Variants in PDE10A observed in about 807,000 individuals in gnomAD.
PDE10A encodes the protein phosphodiesterase 10A.
A neutral mutation model predicts 97.7 loss-of-function variants in PDE10A; 39 were observed. The ratio of observed to expected loss-of-function variants is 0.40; its 90% CI spans 0.31 to 0.52. The LOEUF (loss-of-function observed/expected upper bound fraction) is 0.52. Among genes scored for constraint, PDE10A ranks in the 20% least tolerant of loss-of-function variants. The probability of loss-of-function intolerance (pLI) is 0.56; values close to 1 mark genes in which losing one functional copy is unlikely to be tolerated. For missense variants in PDE10A, 731 were observed against 1,047.8 expected, an observed-to-expected ratio of 0.70 and a Z score of 4.17; for synonymous variants, 371 against 376.8, an observed-to-expected ratio of 0.98 and a Z score of 0.18.
At chr6:165,738,677 G>A (rs942829756) in intron 1 of PDE10A, among the ~76,000 whole-genome samples, 2 of 151,752 alleles carry the variant, frequency 1.3e-5, no homozygotes, top group African/African-American at 4.8e-5. Context: ...AGCACCTGTT[G>A]TTTCCTGACT....
At chr6:165,589,280 C>T (rs3008062) in intron 1 of PDE10A, among the ~76,000 whole-genome samples, 123,298 of 152,142 alleles carry the variant, frequency 0.81, 52,391 homozygotes, top group Non-Finnish European at 0.95. Context: ...TAAGGTCCCA[C>T]GCAGCCTGCT....
intron 19 of PDE10A, among the ~76,000 whole-genome samples, chr6:165,341,339 T>C (rs534485553): frequency 6.6e-6 from 1 of 152,206 alleles, no homozygotes; most frequent in Non-Finnish European, 1.5e-5. Flanking sequence ...GGCATTAAAT[T>C]CTCCAGCTTT....
At chr6:165,963,441 A>T (rs1355708684) in intron 1 of PDE10A, among the ~76,000 whole-genome samples, 1 of 152,220 alleles carries the variant, frequency 6.6e-6, no homozygotes, top group East Asian at 1.9e-4. Context: ...TGAAGGAAGT[A>T]GTTCCGGAGG....
At chr6:165,419,151 G>A (rs903426120) in intron 10 of PDE10A, among the ~76,000 whole-genome samples, 3 of 152,144 alleles carry the variant, frequency 2.0e-5, no homozygotes, top group African/African-American at 7.2e-5. Flanking sequence ...GAACCTCTCA[G>A]GCCTTCCCTG....
At chr6:165,498,172 G>A (rs1780648679) in intron 2 of PDE10A, among the ~76,000 whole-genome samples, 2 of 151,768 alleles carry the variant, frequency 1.3e-5, no homozygotes, top group South Asian at 4.2e-4. Context: ...AGCACTTTGG[G>A]AGCTAGGGTG....
At chr6:165,448,833 A>C in intron 5 of PDE10A, 95 bp downstream of exon 5, 1 of 762,148 alleles carries the variant, frequency 1.3e-6, no homozygotes, top group Non-Finnish European at 2.2e-6. Context: ...AATGAAAAGT[A>C]CTTAATCATG....
At chr6:165,421,295 TAGTC>T (rs1224272382) in intron 10 of PDE10A, among the ~76,000 whole-genome samples, 1 of 151,792 alleles carries the variant, frequency 6.6e-6, no homozygotes, top group Non-Finnish European at 1.5e-5. Context: ...ATATAAAAAT[TAGTC>T]AGGCATGGCA....
In PDE10A at chr6:165,388,654, T is replaced by C. The variant is rs1422793053; in HGVS notation, c.2455-201A>G. 1.3e-5 allele frequency among the ~76,000 whole-genome samples: 2 copies of C among 152,188 alleles called. No individual in the cohort carries two copies. The highest frequency in any genetic ancestry group is 2.9e-5 in the Non-Finnish European group (2 of 68,030). ...GATAATCTAACTCATTTGTAGGCCCTTTCTTTGTTTCTCTGCTTAGGAATC... is the reference window on the plus strand; with the variant it reads ...GATAATCTAACTCATTTGTAGGCCCCTTCTTTGTTTCTCTGCTTAGGAATC... On this transcript the variant is annotated intron_variant, in intron 16 of 21. Transcript: ENST00000539869. This position sits in a 1 kb window ranked among gnomAD's most constrained non-coding sequence, Gnocchi z 4.0.
At chr6:165,590,411 T>TAG (rs928459380) in intron 1 of PDE10A, among the ~76,000 whole-genome samples, 9 of 152,088 alleles carry the variant, frequency 5.9e-5, no homozygotes, top group African/African-American at 1.9e-4. Context: ...GTCACAAGAG[T>TAG]AGAAATACAT....
chr6:165,973,572 G>GA (rs60693155), intron 1 of PDE10A, among the ~76,000 whole-genome samples: 1 of 148,826 alleles, frequency 6.7e-6, no homozygotes, highest in Non-Finnish European at 1.5e-5. Flanking sequence ...TCTTTTTTAT[G>GA]AAAAAAAAAA....
chr6:165,348,085 C>A (rs957189012), intron 18 of PDE10A, among the ~76,000 whole-genome samples: 1 of 151,990 alleles, frequency 6.6e-6, no homozygotes, highest in Non-Finnish European at 1.5e-5. Context: ...GGAAGTGGAG[C>A]AAAGGGATTG....
chr6:165,727,538 C>T lies in PDE10A; in HGVS notation c.-614-183970G>A, dbSNP rs1792330415. Among the ~76,000 whole-genome samples, 3 of 152,196 alleles carry T rather than the reference C, an allele frequency of 2.0e-5. No homozygotes were observed. The South Asian group carries it at 6.2e-4, about 32-fold the overall frequency. ...TAAAAGAAAATCTACCCCCAAATGA[C>T]ATAGAGCCCAGGAGAGGCCTCAGGG... On this transcript the variant is annotated intron_variant, in intron 1 of 19. Coordinates refer to the PDE10A transcript ENST00000366882.
At chr6:165,515,587 A>AATCT (rs1473691679) in intron 2 of PDE10A, among the ~76,000 whole-genome samples, 1 of 148,442 alleles carries the variant, frequency 6.7e-6, no homozygotes, top group East Asian at 2.0e-4. Context: ...GCAGTGGGAC[A>AATCT]ATCTCAGCTC....
At chr6:165,917,510 C>A (rs376250131) in intron 1 of PDE10A, among the ~76,000 whole-genome samples, 1 of 152,070 alleles carries the variant, frequency 6.6e-6, no homozygotes, top group Non-Finnish European at 1.5e-5. Flanking sequence ...TCAGGGGTGC[C>A]GAAATGGACA....
At chr6:165,432,729 C>CTTTTATTGTTACACTGGA (rs1175317533) in intron 7 of PDE10A, among the ~76,000 whole-genome samples, 1 of 152,020 alleles carries the variant, frequency 6.6e-6, no homozygotes, top group Non-Finnish European at 1.5e-5. Flanking sequence ...TACAGCATAC[C>CTTTTATTGTTACACTGGA]TTTTATTGTT....
intron 1 of PDE10A, among the ~76,000 whole-genome samples, chr6:165,609,655 CAA>C (rs1403228579): frequency 6.6e-6 from 1 of 152,206 alleles, no homozygotes; most frequent in East Asian, 1.9e-4. Context: ...GCAACTTCAG[CAA>C]AGTCTCAGAA....
At chr6:165,987,705 A>G (rs2128505747) in exon 1 of PDE10A, 1 of 456,780 alleles carries the variant, frequency 2.2e-6, no homozygotes, top group Middle Eastern at 3.3e-4. Flanking sequence ...CCCGCTGGCC[A>G]AGTTCGGGAC....
intron 16 of PDE10A, among the ~76,000 whole-genome samples, chr6:165,391,385 AT>A (rs1288507217): frequency 1.3e-5 from 2 of 152,120 alleles, no homozygotes; most frequent in Admixed American, 1.3e-4. Flanking sequence ...TAAATTTTCA[AT>A]TTTTTTGAAT....
intron 1 of PDE10A, among the ~76,000 whole-genome samples, chr6:165,921,307 C>T (rs140950883): frequency 2.6e-4 from 39 of 152,308 alleles, no homozygotes; most frequent in African/African-American, 9.1e-4. Flanking sequence ...GAGAAAACAA[C>T]CTGCTCTTGT....
Sources: gnomAD v4.1 joint callset for allele counts (sites outside exome capture counted in the v4.1 genomes callset) on GRCh38, gnomAD v4.1.1 for gene constraint, Gnocchi (gnomAD v3.1) non-coding constraint, MANE v1.5 for transcripts, NCBI Gene and HGNC (gene_info 2026-07-23, HGNC 2026-07-21) for gene names.